Variants in TMEM50B observed in about 807,000 individuals in gnomAD.
TMEM50B encodes the protein transmembrane protein 50B.
In TMEM50B, 14 loss-of-function variants were observed where a neutral mutation model predicts 23.4. The ratio of observed to expected loss-of-function variants is 0.60; its 90% CI spans 0.39 to 0.93. The LOEUF is 0.93. Ranked by LOEUF, TMEM50B falls within the 40% of genes least tolerant of loss-of-function variation. The pLI, the probability that TMEM50B is intolerant of heterozygous loss-of-function variation, is 0.00. For synonymous variants in TMEM50B, 64 were observed against 62.3 expected (o/e 1.03, Z -0.13); for missense variants, 159 against 193.0 (o/e 0.82, Z 1.04).
chr21:33,464,933 C>T lies in TMEM50B; in HGVS notation c.280+409G>A, dbSNP rs1056755164. On this transcript the variant is annotated intron_variant, in intron 4 of 6. Transcript: ENST00000542230. The stretch of plus-strand genomic sequence containing the variant: ...TTTTGTTGCAGTCTGTAGGTGGCTA[C>T]TCAGGTGATCAGAAGTGAATGTAAA... The T allele has an allele frequency of 3.8e-5, 6 of 158,092 alleles. No individual in the cohort carries two copies. The Middle Eastern group carries it at 9.2e-3, about 242-fold the overall frequency. 9.8% of individuals were successfully genotyped at this position (158,092 alleles called of 1,614,324 possible). A position where few individuals can be genotyped will look rare whatever the true frequency, so the allele number is the denominator to read the frequency against.
At chr21:33,443,665 A>C (rs567733576) in intron 7 of TMEM50B, among the ~76,000 whole-genome samples, 1 of 152,348 alleles carries the variant, frequency 6.6e-6, no homozygotes, top group East Asian at 1.9e-4. Context: ...TACAGGGGTA[A>C]TCTGAAGAAT....
chr21:33,466,685 G>A (rs1038559958), intron 3 of TMEM50B, among the ~76,000 whole-genome samples: 1 of 151,948 alleles, frequency 6.6e-6, no homozygotes, highest in Non-Finnish European at 1.5e-5. Context: ...ACCACTGACT[G>A]TAAGATGCAT....
chr21:33,451,587 T>A (rs753416817), intron 6 of TMEM50B, among the ~76,000 whole-genome samples: 1 of 151,502 alleles, frequency 6.6e-6, no homozygotes, highest in Non-Finnish European at 1.5e-5. Context: ...CTCGGCAAAG[T>A]GAGAGAGGAT....
At chr21:33,463,153 G>T (rs745490611) in intron 4 of TMEM50B, among the ~76,000 whole-genome samples, 18 of 152,030 alleles carry the variant, frequency 1.2e-4, no homozygotes, top group Non-Finnish European at 2.4e-4. Context: ...CTAGCCAGGC[G>T]TGGTGGCAGG....
In TMEM50B at chr21:33,435,299, A is replaced by G. The variant is rs564422957; in HGVS notation, c.*2121-2497T>C. Among the ~76,000 whole-genome samples the G allele has an allele frequency of 1.3e-3, 202 of 152,220 alleles. 1 individual carries two copies. The highest frequency in any genetic ancestry group is 4.7e-3 in the African/African-American group (197 of 41,528). Reference sequence around the variant, plus strand: ...AGGGGTGGAGGAGTGCCTGAGACCAATGCTTGTGAACTTGCCCTCTTTTTC... The same window carrying G: ...AGGGGTGGAGGAGTGCCTGAGACCAGTGCTTGTGAACTTGCCCTCTTTTTC... On this transcript the variant is annotated intron_variant and NMD_transcript_variant, in intron 8 of 8. Transcript: ENST00000420455.
chr21:33,453,869 T>C (rs376884015), intron 6 of TMEM50B, among the ~76,000 whole-genome samples: 4 of 152,036 alleles, frequency 2.6e-5, no homozygotes, highest in African/African-American at 9.7e-5. Flanking sequence ...TTTGGGAGGC[T>C]GAGGTGGGCA....
intron 5 of TMEM50B, among the ~76,000 whole-genome samples, chr21:33,459,733 T>C (rs2084201364): frequency 1.3e-5 from 2 of 151,730 alleles, no homozygotes; most frequent in Admixed American, 1.3e-4. Context: ...CGAAAGATTA[T>C]CTACTGGCAA....
At position 33,473,145 on chromosome 21, in the gene TMEM50B, A is replaced by G. The variant is rs548324808; in HGVS notation, c.-41-4219T>C. ...AGAAGACACAGGAATGACACTGTTA[A>G]TAACGCTTTAAGACAAAAAAAATCA... On this transcript the variant is annotated intron_variant, in intron 1 of 6. Transcript: ENST00000542230. 4.8e-5 allele frequency among the ~76,000 whole-genome samples: 7 copies of G among 147,034 alleles called. No homozygotes were observed. In the East Asian group the frequency reaches 1.2e-3, roughly 24 times the overall value.
chr21:33,465,246 T>C, intron 4 of TMEM50B, 96 bp downstream of exon 4: 2 of 793,236 alleles, frequency 2.5e-6, no homozygotes, highest in Admixed American at 2.4e-5. Context: ...TATATAATCA[T>C]TACCAGTCTT....
chr21:33,470,013 T>C (rs907841166), intron 1 of TMEM50B, among the ~76,000 whole-genome samples: 3 of 152,094 alleles, frequency 2.0e-5, no homozygotes, highest in Non-Finnish European at 4.4e-5. Context: ...TGTGCCTAAA[T>C]AACTATAGGA....
chr21:33,434,696 G>A (rs960588957), intron 8 of TMEM50B, among the ~76,000 whole-genome samples: 4 of 152,118 alleles, frequency 2.6e-5, no homozygotes, highest in Non-Finnish European at 4.4e-5. Context: ...AAGAACCCTA[G>A]TCACTTGTTC....
chr21:33,436,951 C>G (rs1322356949), intron 8 of TMEM50B: 2 of 1,613,856 alleles, frequency 1.2e-6, no homozygotes, highest in Non-Finnish European at 1.7e-6. Flanking sequence ...AGATGTTCTC[C>G]AAACGCTTTG....
chr21:33,468,696 T>C (rs2084286242), intron 2 of TMEM50B, 91 bp downstream of exon 2: 8 of 981,176 alleles, frequency 8.2e-6, no homozygotes, highest in Non-Finnish European at 1.3e-5. Context: ...TAAATAGTTC[T>C]GGAAAGCCAT....
chr21:33,460,512 AGAG>A lies in TMEM50B; in HGVS notation c.281-10_281-8del. Reference sequence around the variant, plus strand: ...AAAAGCCAAACTCGAGCACCTGTGTAGAGAAGAGGCTTTATGATTTTGTTCATT... The same window carrying A: ...AAAAGCCAAACTCGAGCACCTGTGTAAAGAGGCTTTATGATTTTGTTCATT... On this transcript the variant is annotated splice_region_variant and splice_polypyrimidine_tract_variant and intron_variant, in intron 4 of 6. Coordinates refer to ENST00000542230, the MANE Select transcript of TMEM50B (RefSeq NM_006134.7). 6.3e-7 allele frequency: 1 copy of A among 1,582,122 alleles called. No homozygotes were observed. The highest frequency in any genetic ancestry group is 8.6e-7 in the Non-Finnish European group (1 of 1,162,628).
intron 7 of TMEM50B, among the ~76,000 whole-genome samples, chr21:33,441,240 AG>A (rs2084006431): frequency 6.6e-6 from 1 of 152,054 alleles, no homozygotes; most frequent in Non-Finnish European, 1.5e-5. Context: ...AAAAAAAAAA[AG>A]GACTTCTTGG....
At chr21:33,471,280 A>G (rs1036293199) in intron 1 of TMEM50B, among the ~76,000 whole-genome samples, 2 of 152,244 alleles carry the variant, frequency 1.3e-5, no homozygotes, top group Non-Finnish European at 2.9e-5. Context: ...CTGTTACAAT[A>G]AAAAGCAATA....
At chr21:33,437,741 T>G (rs2083971414) in intron 8 of TMEM50B, among the ~76,000 whole-genome samples, 1 of 152,188 alleles carries the variant, frequency 6.6e-6, no homozygotes, top group Non-Finnish European at 1.5e-5. Flanking sequence ...CCCAGCACTT[T>G]GGGAGGCTGA....
chr21:33,433,002 C>T, intron 8 of TMEM50B: 1 of 774,778 alleles, frequency 1.3e-6, no homozygotes, highest in Non-Finnish European at 2.2e-6. Flanking sequence ...TCTCCTGCCT[C>T]AGCCTCCTGA....
At chr21:33,471,021 G>A (rs915377745) in intron 1 of TMEM50B, among the ~76,000 whole-genome samples, 40 of 152,158 alleles carry the variant, frequency 2.6e-4, no homozygotes, top group African/African-American at 9.7e-4. Flanking sequence ...AAAAGCCACA[G>A]TCTTCTTGGC....
Sources: allele counts gnomAD v4.1 joint callset (sites outside exome capture counted in the v4.1 genomes callset), GRCh38; gene constraint gnomAD v4.1.1; transcripts MANE v1.5; gene names NCBI Gene and HGNC (gene_info 2026-07-23, HGNC 2026-07-21).